CEP112: variants seen among roughly 807,000 people sequenced by gnomAD.
CEP112 encodes the protein centrosomal protein of 112 kDa.
CEP112 carries 127 observed loss-of-function variants against 153.0 expected under a neutral mutation model. That is an observed-to-expected ratio of 0.83 (90% CI 0.72 to 0.96). The LOEUF is 0.96. Ranked by LOEUF, CEP112 falls within the 40% of genes least tolerant of loss-of-function variation. The pLI, the probability that CEP112 is intolerant of heterozygous loss-of-function variation, is 0.00. For synonymous variants in CEP112, 358 were observed against 374.4 expected (o/e 0.96, Z 0.51); for missense variants, 1,089 against 1,101.2 (o/e 0.99, Z 0.16).
At position 65,812,865 on chromosome 17, in the gene CEP112, C is replaced by G. The variant is rs1402599047; in HGVS notation, c.2394+38939G>C. On this transcript the variant is annotated intron_variant, in intron 21 of 26. Coordinates refer to ENST00000535342, the MANE Select transcript of CEP112 (RefSeq NM_001199165.4). ...AAGTAACACGTTTAAAATATATACA[C>G]TTTAGAGTTTATATAGAATAAAAGC... Among the ~76,000 whole-genome samples, 2 of 152,036 alleles carry G rather than the reference C, an allele frequency of 1.3e-5. 1 individual carries two copies. Among genetic ancestry groups the G allele is most frequent in the East Asian group, 3.9e-4 (2 of 5,194 alleles).
chr17:66,135,353 A>G (rs554727546), intron 4 of CEP112, among the ~76,000 whole-genome samples: 1 of 152,340 alleles, frequency 6.6e-6, no homozygotes, highest in Middle Eastern at 3.4e-3. Flanking sequence ...ACTCTAAGTA[A>G]GTACAAAGGC....
rs1395055222 is a variant in CEP112 at position 66,183,264 on chromosome 17, C to T, written c.36G>A (p.Lys12=). Reference sequence around the variant, plus strand: ...CAAAGTGATCAAATTCTGCATCCAGCTTCTCCCATTTTTCTTCTTCACTTC... The same window carrying T: ...CAAAGTGATCAAATTCTGCATCCAGTTTCTCCCATTTTTCTTCTTCACTTC... ...EVGSEEEKWE[K]LDAEFDHFVV... The change falls in exon 2 of 27, where the codon AAG becomes AAA. Residue 12 remains lysine (K), a synonymous_variant. Transcript: ENST00000535342. The T allele has an allele frequency of 3.1e-6, 5 of 1,612,692 alleles. No homozygotes were observed. The highest frequency in any genetic ancestry group is 4.2e-6 in the Non-Finnish European group (5 of 1,179,416).
At position 65,701,629 on chromosome 17, in the gene CEP112, C is replaced by A. The variant is rs111365498; in HGVS notation, c.2608-12411G>T. ...ACTCATCTCCATACCCAGGATCGCA[C>A]AAATCCTCTAATCTGACATCTCCAA... On this transcript the variant is annotated intron_variant, in intron 23 of 26. Coordinates refer to ENST00000535342, the MANE Select transcript of CEP112 (RefSeq NM_001199165.4). 5.9e-3 allele frequency among the ~76,000 whole-genome samples: 904 copies of A among 152,262 alleles called. 8 individuals carry two copies. The highest frequency in any genetic ancestry group is 0.021 in the African/African-American group (853 of 41,538).
intron 8 of CEP112, among the ~76,000 whole-genome samples, chr17:66,086,120 A>C (rs1193225346): frequency 1.3e-5 from 2 of 152,100 alleles, no homozygotes; most frequent in Non-Finnish European, 2.9e-5. Context: ...GAATGAGTTG[A>C]GAAAGGGATG....
chr17:65,764,143 C>T (rs1471516471), intron 21 of CEP112, among the ~76,000 whole-genome samples: 1 of 152,012 alleles, frequency 6.6e-6, no homozygotes, highest in Non-Finnish European at 1.5e-5. Flanking sequence ...CTAGAGTTGG[C>T]TGTAGGTGGT....
At chr17:65,745,225 G>A (rs536991249) in intron 22 of CEP112, among the ~76,000 whole-genome samples, 3 of 152,306 alleles carry the variant, frequency 2.0e-5, no homozygotes, top group Non-Finnish European at 2.9e-5. Context: ...ATTGTGAAAT[G>A]ACAAAATATA....
At chr17:65,818,348 C>T (rs2056375530) in intron 21 of CEP112, among the ~76,000 whole-genome samples, 1 of 151,760 alleles carries the variant, frequency 6.6e-6, no homozygotes, top group African/African-American at 2.4e-5. Context: ...CACCAAAAGC[C>T]ACATATTTTA....
intron 21 of CEP112, among the ~76,000 whole-genome samples, chr17:65,786,445 A>T (rs769059702): frequency 2.6e-5 from 4 of 151,938 alleles, no homozygotes; most frequent in Non-Finnish European, 5.9e-5. Context: ...AGTCTATTAG[A>T]TATAACATTT....
At chr17:66,027,033 G>A (rs1457793747) in intron 16 of CEP112, among the ~76,000 whole-genome samples, 5 of 152,116 alleles carry the variant, frequency 3.3e-5, no homozygotes, top group Non-Finnish European at 7.4e-5. Flanking sequence ...TATATAAACA[G>A]GAAAAATAAG....
At chr17:66,128,087 G>C (rs754210620) in intron 6 of CEP112, among the ~76,000 whole-genome samples, 2 of 151,918 alleles carry the variant, frequency 1.3e-5, no homozygotes, top group Non-Finnish European at 2.9e-5. Context: ...GATCACCTGA[G>C]GGTCGGGAGT....
Position 65,847,711 on chromosome 17 carries a change from C to T in CEP112, c.2394+4093G>A, listed in dbSNP as rs145014394. ...GTTCTAGTGGGTGGGAGGAAACAAG[C>T]GAACAAATAAAAGGATGATTTCAGG... On this transcript the variant is annotated intron_variant, in intron 21 of 26. Coordinates refer to ENST00000535342, the MANE Select transcript of CEP112 (RefSeq NM_001199165.4). 2.4e-3 allele frequency among the ~76,000 whole-genome samples: 363 copies of T among 152,062 alleles called. 2 individuals carry two copies. Among genetic ancestry groups the T allele is most frequent in the African/African-American group, 8.3e-3 (346 of 41,452 alleles).
intron 21 of CEP112, among the ~76,000 whole-genome samples, chr17:65,828,675 C>T (rs2056945664): frequency 7.4e-6 from 1 of 134,494 alleles, no homozygotes; most frequent in Non-Finnish European, 1.6e-5. Context: ...TAAAGAATCA[C>T]AAATAATTTT....
intron 24 of CEP112, among the ~76,000 whole-genome samples, chr17:65,649,036 G>A (rs975786442): frequency 3.3e-5 from 5 of 151,746 alleles, no homozygotes; most frequent in Admixed American, 6.6e-5. Context: ...GGGCAACAGA[G>A]TGAGAGTCTG....
chr17:65,773,622 T>C (rs1360325899), intron 21 of CEP112, among the ~76,000 whole-genome samples: 1 of 152,056 alleles, frequency 6.6e-6, no homozygotes, highest in East Asian at 1.9e-4. Flanking sequence ...AAGAAATACA[T>C]ATGGTGACTA....
At chr17:65,894,017 T>C (rs1401071399) in intron 20 of CEP112, among the ~76,000 whole-genome samples, 1 of 152,124 alleles carries the variant, frequency 6.6e-6, no homozygotes, top group East Asian at 1.9e-4. Context: ...ATCAGGGATG[T>C]CTCTTACAGA....
At chr17:65,767,113 T>C (rs1024475629) in intron 21 of CEP112, among the ~76,000 whole-genome samples, 1 of 152,048 alleles carries the variant, frequency 6.6e-6, no homozygotes, top group African/African-American at 2.4e-5. Flanking sequence ...CATGGAACAT[T>C]CTCCAGTACA....
At chr17:65,770,112 A>G (rs59409712) in intron 21 of CEP112, among the ~76,000 whole-genome samples, 10,745 of 151,902 alleles carry the variant, frequency 0.071, 1,370 homozygotes, top group East Asian at 0.66. Context: ...AATGAAAAAA[A>G]AAACCTCTAA....
intron 8 of CEP112, among the ~76,000 whole-genome samples, chr17:66,092,070 CTT>C (rs2068155005): frequency 6.8e-6 from 1 of 146,304 alleles, no homozygotes; most frequent in African/African-American, 2.5e-5. Flanking sequence ...AGATGGGAGT[CTT>C]GCTCTATCAC....
intron 17 of CEP112, among the ~76,000 whole-genome samples, chr17:65,970,550 G>T (rs1288882877): frequency 6.6e-6 from 1 of 151,942 alleles, no homozygotes; most frequent in Non-Finnish European, 1.5e-5. Context: ...AATATTACAT[G>T]AAAGTTACCT....
Sources: allele counts gnomAD v4.1 joint callset (sites outside exome capture counted in the v4.1 genomes callset), GRCh38; gene constraint gnomAD v4.1.1; transcripts MANE v1.5; gene names NCBI Gene and HGNC (gene_info 2026-07-23, HGNC 2026-07-21).